The following SLC25A48 variants were observed in gnomAD, a reference collection of about 807,000 sequenced individuals.
SLC25A48 encodes the protein CTC-321K16.1.
SLC25A48 carries 29 observed loss-of-function variants against 32.2 expected under a neutral mutation model. That is an observed-to-expected ratio of 0.90 (90% CI 0.67 to 1.23). The LOEUF (loss-of-function observed/expected upper bound fraction) is 1.23. Among genes scored for constraint, SLC25A48 ranks in the 50% most tolerant of loss-of-function variants. The pLI, the probability that SLC25A48 is intolerant of heterozygous loss-of-function variation, is 0.00. For missense variants in SLC25A48, 399 were observed against 422.7 expected, an observed-to-expected ratio of 0.94 and a Z score of 0.49; for synonymous variants, 164 against 172.3, an observed-to-expected ratio of 0.95 and a Z score of 0.38.
chr5:135,681,133 G>T (rs1360920107), intron 3 of SLC25A48, among the ~76,000 whole-genome samples: 1 of 152,094 alleles, frequency 6.6e-6, no homozygotes, highest in Non-Finnish European at 1.5e-5. Context: ...TTACAGGCAT[G>T]CCCGGCTAAT....
At position 135,874,134 on chromosome 5, in the gene SLC25A48, T is replaced by C. The variant is rs1002913485; in HGVS notation, c.793T>C (p.Tyr265His). ...TGTCCTGGACTGTATCTCCCAGAGT[T>C]ACCAGAAGGAAGGTCTTAAAGTAAG... ...KGVLDCISQSYQKEGLKVFFR... is the reference protein window; with the variant it reads ...KGVLDCISQSHQKEGLKVFFR... The change falls in exon 6 of 8, where the codon TAC (tyrosine) becomes CAC (histidine). Residue 265 changes from tyrosine to histidine, a missense_variant. Coordinates refer to ENST00000681962, the MANE Select transcript of SLC25A48 (RefSeq NM_001349336.2). The C allele has an allele frequency of 1.4e-6, 2 of 1,478,100 alleles. No homozygotes were observed. Among genetic ancestry groups the C allele is most frequent in the Non-Finnish European group, 1.8e-6 (2 of 1,123,884 alleles). 91.6% of individuals were successfully genotyped at this position (1,478,100 alleles called of 1,614,324 possible).
intron 3 of SLC25A48, among the ~76,000 whole-genome samples, chr5:135,756,708 T>TAGTGTTAACACAC (rs559287775): frequency 3.3e-5 from 5 of 152,190 alleles, no homozygotes; most frequent in East Asian, 1.9e-4. Context: ...CTATAATATG[T>TAGTGTTAACACAC]AGTGTTAACA....
intron 3 of SLC25A48, among the ~76,000 whole-genome samples, chr5:135,700,589 G>A (rs932871576): frequency 6.6e-6 from 1 of 152,170 alleles, no homozygotes; most frequent in African/African-American, 2.4e-5. Context: ...TGTGTTTGCT[G>A]TTCCTTGTGT....
At chr5:135,791,010 C>T (rs1272269074) in intron 3 of SLC25A48, among the ~76,000 whole-genome samples, 6 of 151,270 alleles carry the variant, frequency 4.0e-5, no homozygotes, top group African/African-American at 9.7e-5. Flanking sequence ...GGTGTTACTT[C>T]TAATGTCACA....
intron 2 of SLC25A48, among the ~76,000 whole-genome samples, chr5:135,843,786 G>A (rs147512819): frequency 6.9e-4 from 105 of 152,348 alleles, no homozygotes; most frequent in African/African-American, 2.5e-3. Context: ...GCCAGTGTGT[G>A]TGTGGTGCAC....
At chr5:135,843,759 C>T (rs1759194338) in intron 2 of SLC25A48, among the ~76,000 whole-genome samples, 1 of 152,186 alleles carries the variant, frequency 6.6e-6, no homozygotes, top group South Asian at 2.1e-4. Flanking sequence ...TGTACATTCT[C>T]CAGGAAAACA....
At chr5:135,598,350 A>G (rs891836938) in intron 1 of SLC25A48, among the ~76,000 whole-genome samples, 1 of 152,132 alleles carries the variant, frequency 6.6e-6, no homozygotes, top group Non-Finnish European at 1.5e-5. Flanking sequence ...TCCTTCCACC[A>G]TATTGCCTGT....
chr5:135,845,399 A>T (rs1759325018), intron 2 of SLC25A48, among the ~76,000 whole-genome samples: 1 of 152,190 alleles, frequency 6.6e-6, no homozygotes, highest in African/African-American at 2.4e-5. Context: ...TCTGCCCTGA[A>T]GCTCTGGAGG....
rs139078189 is a variant in SLC25A48 at position 135,736,295 on chromosome 5, G to A, written c.-520-76228G>A. On this transcript the variant is annotated intron_variant, in intron 3 of 10. Transcript: ENST00000646290. The stretch of plus-strand genomic sequence containing the variant: ...TTTCGACAAAAATTATCTAGGTCTT[G>A]TAGGATGGTGAAATTGAAAGTGCCG... 5.2e-3 allele frequency among the ~76,000 whole-genome samples: 785 copies of A among 152,292 alleles called. 4 individuals carry two copies. The highest frequency in any genetic ancestry group is 0.018 in the African/African-American group (753 of 41,562).
intron 3 of SLC25A48, among the ~76,000 whole-genome samples, chr5:135,717,082 T>C (rs2126979403): frequency 6.6e-6 from 1 of 152,308 alleles, no homozygotes; most frequent in Admixed American, 6.5e-5. Context: ...TGAGAAAGTG[T>C]GTCTGCTAGC....
In SLC25A48 at chr5:135,771,678, A is replaced by G. The variant is rs79279567; in HGVS notation, c.-520-40845A>G. Reference sequence around the variant, plus strand: ...AATATTACAGGAGGAAGAGGGTGATATTACTCCCAATATTGCTGGGGGTGT... The same window carrying G: ...AATATTACAGGAGGAAGAGGGTGATGTTACTCCCAATATTGCTGGGGGTGT... On this transcript the variant is annotated intron_variant, in intron 3 of 10. Transcript: ENST00000646290. 7.1e-3 allele frequency among the ~76,000 whole-genome samples: 1,071 copies of G among 151,664 alleles called. 10 individuals carry two copies. Among genetic ancestry groups the G allele is most frequent in the African/African-American group, 0.024 (1,004 of 41,348 alleles).
intron 1 of SLC25A48, 98 bp downstream of exon 1, chr5:135,834,991 C>A: frequency 1.4e-6 from 2 of 1,404,596 alleles, no homozygotes; most frequent in Middle Eastern, 1.8e-4. Flanking sequence ...CGCTGCCATC[C>A]CGCTCCCCGT....
chr5:135,755,344 A>G (rs142021797), intron 3 of SLC25A48, among the ~76,000 whole-genome samples: 14 of 152,082 alleles, frequency 9.2e-5, no homozygotes, highest in Non-Finnish European at 1.9e-4. Flanking sequence ...GCACTATGGT[A>G]TTAATGAAAT....
rs78361365 is a variant in SLC25A48, at chr5:135,729,930, T to C, written c.-520-82593T>C. ...GATGTTATACATTCATTATATGTAA[T>C]ATATATTATGTAGTGGTTCCTGTCT... On this transcript the variant is annotated intron_variant, in intron 3 of 10. Coordinates refer to the SLC25A48 transcript ENST00000646290. Among the ~76,000 whole-genome samples, 1,107 of 152,288 alleles carry C rather than the reference T, an allele frequency of 7.3e-3. 11 individuals are homozygous for C. Among genetic ancestry groups the C allele is most frequent in the African/African-American group, 0.025 (1,036 of 41,544 alleles).
At chr5:135,585,636 C>A (rs17168684) in intron 1 of SLC25A48, among the ~76,000 whole-genome samples, 1 of 152,182 alleles carries the variant, frequency 6.6e-6, no homozygotes, top group South Asian at 2.1e-4. Flanking sequence ...GCAGGATGAA[C>A]GAATGCAGGA....
intron 6 of SLC25A48, chr5:135,876,438 G>C (rs1246416260): frequency 6.6e-6 from 1 of 152,134 alleles, no homozygotes; most frequent in Non-Finnish European, 1.5e-5. Context: ...TGTTGGTTCA[G>C]AGACAGGTTT....
chr5:135,799,565 C>T (rs1052317828), intron 3 of SLC25A48, among the ~76,000 whole-genome samples: 4 of 151,214 alleles, frequency 2.6e-5, no homozygotes, highest in Non-Finnish European at 4.4e-5. Flanking sequence ...TGTATTATTC[C>T]TAATATCCAG....
intron 3 of SLC25A48, among the ~76,000 whole-genome samples, chr5:135,749,286 C>CAA (rs60658262): frequency 4.0e-5 from 6 of 150,402 alleles, no homozygotes; most frequent in African/African-American, 1.5e-4. Flanking sequence ...GTTCCACACA[C>CAA]AAAAAAAAAC....
chr5:135,835,209 C>A, intron 1 of SLC25A48: 1 of 589,072 alleles, frequency 1.7e-6, no homozygotes, highest in East Asian at 3.8e-5. Context: ...GCGGCGCACA[C>A]ACCCTTCAGT....
Sources: gnomAD v4.1 joint callset for allele counts (sites outside exome capture counted in the v4.1 genomes callset) on GRCh38, gnomAD v4.1.1 for gene constraint, MANE v1.5 for transcripts, NCBI Gene and HGNC (gene_info 2026-07-23, HGNC 2026-07-21) for gene names.